The following INTS6L variants were observed in gnomAD, a reference collection of about 807,000 sequenced individuals.
The protein encoded by INTS6L is integrator complex subunit 6-like.
INTS6L carries 18 observed loss-of-function variants against 64.7 expected under a neutral mutation model. The observed-to-expected ratio is 0.28, with a 90% CI of 0.19 to 0.41. The LOEUF is 0.41. Ranked by LOEUF, INTS6L falls within the 10% of genes least tolerant of loss-of-function variation. The pLI, the probability that INTS6L is intolerant of heterozygous loss-of-function variation, is 1.00. For missense variants in INTS6L, 533 were observed against 661.0 expected (o/e 0.81, Z 2.12); for synonymous variants, 227 against 235.9 (o/e 0.96, Z 0.34).
rs2148633786 is a variant in INTS6L at position 135,554,881 on chromosome X, A to T, written c.1060-1287A>T. ...CACTGAATGTTTACTCTACCAGCAT[A>T]ACTTTTTTTTTTTTTTTTTTTTTTT... On this transcript the variant is annotated intron_variant, in intron 8 of 17. Transcript: ENST00000639893. Among the ~76,000 whole-genome samples, 3 of 39,644 alleles carry T rather than the reference A, an allele frequency of 7.6e-5. No homozygotes were observed. In the South Asian group the frequency reaches 4.9e-3, roughly 64 times the overall value. The allele number at this position is 39,644 out of a possible 115,157, so 34.4% of individuals were successfully genotyped here. A position where few individuals can be genotyped will look rare whatever the true frequency, so the allele number is the denominator to read the frequency against.
At chrX:135,563,680 T>TATATATAG (rs2148655652) in intron 9 of INTS6L, among the ~76,000 whole-genome samples, 1 of 83,399 alleles carries the variant, frequency 1.2e-5, no homozygotes, top group African/African-American at 4.5e-5. Context: ...GCTATATATA[T>TATATATAG]AGCTAGGTAT....
Position 135,546,792 on chromosome X carries a change from C to T in INTS6L, c.520C>T (p.Arg174Cys), listed in dbSNP as rs782736105. 1.2e-5 allele frequency: 14 copies of T among 1,209,878 alleles called. No homozygotes were observed. In the Admixed American group the frequency reaches 1.3e-4, roughly 11 times the overall value. Residue 174 changes from arginine to cysteine, a missense_variant, in exon 5 of 18, where the codon CGT (arginine) becomes TGT (cysteine). Transcript: ENST00000639893. ...TCAAAGGTTATTTGCCCTGGTGTTG[C>T]GTTTGCCTGGAGTGGCTTCTACCGA... ...WDQRLFALVL[R>C]LPGVASTEPE...
At chrX:135,580,196 C>G (rs1556533707) in intron 16 of INTS6L, 34 bp downstream of exon 16, 1 of 1,150,155 alleles carries the variant, frequency 8.7e-7, no homozygotes, top group Admixed American at 2.7e-5. Flanking sequence ...CAATAATGCA[C>G]CAGGAGGTTT....
At chrX:135,533,355 C>T (rs1387578667) in intron 2 of INTS6L, among the ~76,000 whole-genome samples, 1 of 111,870 alleles carries the variant, frequency 8.9e-6, no homozygotes, top group Non-Finnish European at 1.9e-5. Context: ...TTACTTTTAC[C>T]ACGTAAAAAG....
intron 7 of INTS6L, 27 bp from the exon 8 acceptor site, chrX:135,551,967 C>T (rs1556517120): frequency 1.8e-6 from 2 of 1,097,673 alleles, no homozygotes; most frequent in Non-Finnish European, 2.4e-6. Context: ...ACCATTTTTT[C>T]TGCTTTTTTT....
intron 16 of INTS6L, among the ~76,000 whole-genome samples, 170 bp from the exon 17 acceptor site, chrX:135,580,879 TA>T (rs1354655834): frequency 8.8e-6 from 1 of 112,995 alleles, no homozygotes. Flanking sequence ...TGGTTAGTGT[TA>T]ACAAGAGTTG....
chrX:135,546,929 T>C (rs1437003607), intron 5 of INTS6L, 44 bp downstream of exon 5: 34 of 1,173,737 alleles, frequency 2.9e-5, no homozygotes, highest in Non-Finnish European at 3.9e-5. Flanking sequence ...ATTCAGAGCA[T>C]AGAGTATATT....
rs1273512911 is a variant in INTS6L, at chrX:135,520,824, AGAG to A, written c.-164_-162del. On this transcript the variant is annotated 5_prime_UTR_variant, in exon 1 of 18. Coordinates refer to ENST00000639893, the MANE Select transcript of INTS6L (RefSeq NM_001351601.3). Reference sequence around the variant, plus strand: ...AGGGAGAGGAGGTGGGGCTGCAGAAAGAGGAGGCCAGGAGCGGTCCCATCCGTC... The same window carrying A: ...AGGGAGAGGAGGTGGGGCTGCAGAAAGAGGCCAGGAGCGGTCCCATCCGTC... 13 of 472,530 alleles carry A rather than the reference AGAG, an allele frequency of 2.8e-5. No individual in the cohort carries two copies. In the East Asian group the frequency reaches 4.7e-4, roughly 17 times the overall value. The allele number at this position is 472,530 out of a possible 1,213,427, so 38.9% of individuals were successfully genotyped here. A position where few individuals can be genotyped will look rare whatever the true frequency, so the allele number is the denominator to read the frequency against.
In INTS6L at chrX:135,575,810, A is replaced by G. The variant is rs4031132; in HGVS notation, c.1884+584A>G. On this transcript the variant is annotated intron_variant, in intron 14 of 17. Coordinates refer to ENST00000639893, the MANE Select transcript of INTS6L (RefSeq NM_001351601.3). ...AGTGTGTGTGTGTGTGTGTGTGTGT[A>G]TGTGTGTGTGTGTGTGTTATACTGA... 1.2e-3 allele frequency among the ~76,000 whole-genome samples: 40 copies of G among 34,162 alleles called. No homozygotes were observed. The South Asian group carries it at 0.024, about 21-fold the overall frequency. 29.7% of individuals were successfully genotyped at this position (34,162 alleles called of 115,157 possible).
At position 135,546,815 on chromosome X, in the gene INTS6L, C is replaced by T. The variant is rs142715871; in HGVS notation, c.543C>T (p.Thr181=). ...LVLRLPGVAS[T]EPEQLGSVPT... is the part of the protein sequence containing the mutation. Reference sequence around the variant, plus strand: ...TGCGTTTGCCTGGAGTGGCTTCTACCGAACCAGAGCAACTAGGGAGCGTAC... The same window carrying T: ...TGCGTTTGCCTGGAGTGGCTTCTACTGAACCAGAGCAACTAGGGAGCGTAC... The change falls in exon 5 of 18, where the codon ACC becomes ACT. Residue 181 remains threonine (T), a synonymous_variant. Transcript: ENST00000639893. 66 of 1,209,699 alleles carry T rather than the reference C, an allele frequency of 5.5e-5. No individual in the cohort carries two copies. The highest frequency in any genetic ancestry group is 8.7e-5 in the African/African-American group (5 of 57,184).
Position 135,581,750 on chromosome X carries a change from G to A in INTS6L, c.*114G>A. On this transcript the variant is annotated 3_prime_UTR_variant, in exon 18 of 18. Transcript: ENST00000639893. ...AAGGGAATTGCTTTCCAGATGCTAA[G>A]AAGCAGCAGTGGGGCTTTTGAATTT... 1 of 587,377 alleles carries A rather than the reference G, an allele frequency of 1.7e-6. No homozygotes were observed. The highest frequency in any genetic ancestry group is 3.1e-5 in the South Asian group (1 of 32,473). 48.4% of individuals were successfully genotyped at this position (587,377 alleles called of 1,213,427 possible).
intron 6 of INTS6L, 37 bp from the exon 7 acceptor site, chrX:135,549,605 A>G: frequency 3.4e-6 from 4 of 1,178,649 alleles, no homozygotes; most frequent in Non-Finnish European, 4.6e-6. Context: ...TGTAAAAAGA[A>G]ACTCACGCCT....
At chrX:135,552,198 G>C (rs914747775) in intron 8 of INTS6L, 52 bp downstream of exon 8, 1 of 1,073,346 alleles carries the variant, frequency 9.3e-7, no homozygotes, top group African/African-American at 1.9e-5. Flanking sequence ...TAGGATCTGG[G>C]AATTGTTTTA....
Position 135,577,274 on chromosome X carries a change from A to G in INTS6L, c.1966A>G (p.Met656Val), listed in dbSNP as rs374465339. Reference sequence around the variant, plus strand: ...ACGTCCAGGGGAACCCAACAGTCCTATGTCATCTAAGAGAAGGCGGAGTAT... The same window carrying G: ...ACGTCCAGGGGAACCCAACAGTCCTGTGTCATCTAAGAGAAGGCGGAGTAT... ...VKRPGEPNSP[M>V]SSKRRRSMSL... Residue 656 changes from methionine to valine, a missense_variant, in exon 15 of 18, where the codon ATG becomes GTG. Coordinates refer to ENST00000639893, the MANE Select transcript of INTS6L (RefSeq NM_001351601.3). The G allele has an allele frequency of 1.1e-5, 13 of 1,209,809 alleles. No individual in the cohort carries two copies. The highest frequency in any genetic ancestry group is 2.3e-4 in the Middle Eastern group (1 of 4,376).
chrX:135,540,284 T>G (rs1556511947), intron 2 of INTS6L, among the ~76,000 whole-genome samples: 1 of 111,898 alleles, frequency 8.9e-6, no homozygotes, highest in Non-Finnish European at 1.9e-5. Context: ...AGCCTCAGTA[T>G]CCTCATGTAT....
At chrX:135,542,420 C>T (rs782279009) in intron 2 of INTS6L, among the ~76,000 whole-genome samples, 2 of 109,840 alleles carry the variant, frequency 1.8e-5, no homozygotes, top group Non-Finnish European at 3.8e-5. Context: ...ATCGCTTGAA[C>T]CTGGGAGGTG....
intron 7 of INTS6L, among the ~76,000 whole-genome samples, chrX:135,551,749 T>C (rs1556517074): frequency 8.9e-6 from 1 of 111,857 alleles, no homozygotes. Flanking sequence ...GAAATTTTAG[T>C]TATGAGTGTT....
At chrX:135,577,051 G>A in intron 14 of INTS6L, 142 bp from the exon 15 acceptor site, 1 of 582,705 alleles carries the variant, frequency 1.7e-6, no homozygotes, top group South Asian at 3.1e-5. Context: ...ATCTGGCATG[G>A]GATTTAAAAA....
chrX:135,545,418 T>TGCAG lies in INTS6L; in HGVS notation c.190-2_191dup. On this transcript the variant is annotated splice_region_variant and splice_polypyrimidine_tract_variant and intron_variant, in intron 2 of 17. Coordinates refer to ENST00000639893, the MANE Select transcript of INTS6L (RefSeq NM_001351601.3). ...AGAAATTCTTTGTAAATGTTTGGTTTGCAGGCTGGTTGGAAGGAAAATCAT... is the reference window on the plus strand; with the variant it reads ...AGAAATTCTTTGTAAATGTTTGGTTTGCAGGCAGGCTGGTTGGAAGGAAAATCAT... 8.3e-7 allele frequency: 1 copy of TGCAG among 1,208,336 alleles called. No individual in the cohort carries two copies. Among genetic ancestry groups the TGCAG allele is most frequent in the Non-Finnish European group, 1.1e-6 (1 of 894,709 alleles).
Sources: gnomAD v4.1 joint callset for allele counts (sites outside exome capture counted in the v4.1 genomes callset) on GRCh38, gnomAD v4.1.1 for gene constraint, MANE v1.5 for transcripts, NCBI Gene and HGNC (gene_info 2026-07-23, HGNC 2026-07-21) for gene names.